The following ADAM18 variants were observed in gnomAD, a reference collection of about 807,000 sequenced individuals.
ADAM18 encodes the protein disintegrin and metalloproteinase domain-containing protein 18.
In ADAM18, 117 loss-of-function variants were observed where a neutral mutation model predicts 94.4. That is an observed-to-expected ratio of 1.24 (90% CI 1.07 to 1.45). The LOEUF (loss-of-function observed/expected upper bound fraction) is 1.45. ADAM18 is among the 40% of genes most tolerant of loss of function. ADAM18 has a pLI of 0.00. For missense variants in ADAM18, 936 were observed against 880.0 expected (o/e 1.06, Z -0.81); for synonymous variants, 327 against 291.6 (o/e 1.12, Z -1.24).
At chr8:39,590,710 A>T (rs1818546577) in intron 2 of ADAM18, among the ~76,000 whole-genome samples, 1 of 152,156 alleles carries the variant, frequency 6.6e-6, no homozygotes. Context: ...TTCTTTTTTA[A>T]ACTAAAATAA....
intron 17 of ADAM18, 27 bp downstream of exon 17, chr8:39,692,707 A>T (rs1305020707): frequency 1.3e-6 from 2 of 1,535,692 alleles, no homozygotes; most frequent in Admixed American, 3.5e-5. Flanking sequence ...TCTGAATTGC[A>T]TGTTATTCTT....
At chr8:39,640,605 CTG>C (rs1228824301) in intron 10 of ADAM18, among the ~76,000 whole-genome samples, 2 of 152,152 alleles carry the variant, frequency 1.3e-5, no homozygotes, top group East Asian at 3.9e-4. Flanking sequence ...AATTGCCACA[CTG>C]TGTTCCACAA....
chr8:39,584,638 G>A lies in ADAM18; in HGVS notation c.16G>A (p.Ala6Thr), dbSNP rs764655233. 8 of 1,613,012 alleles carry A rather than the reference G, an allele frequency of 5.0e-6. No individual in the cohort carries two copies. In the African/African-American group the frequency reaches 8.0e-5, roughly 16 times the overall value. ...TGGCTGAGCCATGTTCCTTCTCCTC[G>A]CCCTCCTCACTGAGCTTGGAAGACT... is the stretch of plus-strand genomic sequence containing the variant. Reference protein sequence around the residue: MFLLLALLTELGRLQA... With the variant: MFLLLTLLTELGRLQA... Residue 6 changes from alanine to threonine, a missense_variant, in exon 1 of 20, where the codon GCC becomes ACC. Coordinates refer to ENST00000265707, the MANE Select transcript of ADAM18 (RefSeq NM_014237.3).
rs151039965 is a variant in ADAM18, at chr8:39,720,929, A to G, written c.2018-2819A>G. The stretch of plus-strand genomic sequence containing the variant: ...CCAAAAGACATGCTGTAGAATATTC[A>G]CAGCAGCACTATTCATAATACCCCA... On this transcript the variant is annotated intron_variant, in intron 18 of 19. Transcript: ENST00000265707. Among the ~76,000 whole-genome samples, 407 of 151,584 alleles carry G rather than the reference A, an allele frequency of 2.7e-3. 1 individual carries two copies. The highest frequency in any genetic ancestry group is 4.9e-3 in the Non-Finnish European group (329 of 67,516).
At chr8:39,607,712 T>C (rs1037499432) in intron 3 of ADAM18, among the ~76,000 whole-genome samples, 8 of 151,782 alleles carry the variant, frequency 5.3e-5, no homozygotes, top group Non-Finnish European at 1.2e-4. Context: ...TTCAGTGCTC[T>C]CTCACTCTCT....
intron 3 of ADAM18, among the ~76,000 whole-genome samples, chr8:39,607,767 A>T (rs1196158490): frequency 2.9e-5 from 4 of 136,742 alleles, no homozygotes; most frequent in African/African-American, 5.4e-5. Flanking sequence ...ATTCTTTCTC[A>T]TCTCTCGAAT....
chr8:39,626,880 G>T (rs537937415), intron 6 of ADAM18, among the ~76,000 whole-genome samples: 1 of 152,132 alleles, frequency 6.6e-6, no homozygotes, highest in Non-Finnish European at 1.5e-5. Flanking sequence ...TAGTTCTTGG[G>T]TAGAATAGTT....
At chr8:39,654,153 C>CTTTTTTTTTT (rs1563292600) in intron 12 of ADAM18, among the ~76,000 whole-genome samples, 4 of 118,768 alleles carry the variant, frequency 3.4e-5, no homozygotes, top group African/African-American at 6.8e-5. Context: ...GGATTTCATT[C>CTTTTTTTTTT]CTTTTTTTTT....
At chr8:39,677,562 C>T (rs1251044442) in intron 15 of ADAM18, 26 bp downstream of exon 15, 1 of 1,503,280 alleles carries the variant, frequency 6.7e-7, no homozygotes, top group Non-Finnish European at 9.0e-7. Context: ...ATGATTGCTT[C>T]TTTGAATCAT....
chr8:39,671,568 T>A (rs1821157788), intron 14 of ADAM18, among the ~76,000 whole-genome samples: 1 of 152,222 alleles, frequency 6.6e-6, no homozygotes, highest in East Asian at 1.9e-4. Flanking sequence ...AGGTTTGGGG[T>A]TCCAATTGGG....
At chr8:39,646,645 C>T (rs536662131) in intron 11 of ADAM18, among the ~76,000 whole-genome samples, 10 of 152,184 alleles carry the variant, frequency 6.6e-5, no homozygotes, top group Admixed American at 2.0e-4. Flanking sequence ...TGAGAACAGA[C>T]ATGGTTGTCA....
At chr8:39,641,535 C>G (rs1245216049) in intron 10 of ADAM18, among the ~76,000 whole-genome samples, 1 of 151,958 alleles carries the variant, frequency 6.6e-6, no homozygotes, top group African/African-American at 2.4e-5. Flanking sequence ...TTCCATGTGT[C>G]TAGGTGTCCA....
intron 6 of ADAM18, among the ~76,000 whole-genome samples, chr8:39,611,886 C>A (rs1819283865): frequency 2.0e-5 from 3 of 151,834 alleles, no homozygotes; most frequent in Admixed American, 1.3e-4. Flanking sequence ...ATGATAACCA[C>A]AAAGCAAACA....
At chr8:39,632,738 C>G (rs1206928600) in intron 7 of ADAM18, among the ~76,000 whole-genome samples, 2 of 152,074 alleles carry the variant, frequency 1.3e-5, no homozygotes, top group Non-Finnish European at 2.9e-5. Context: ...ATGACCCCTT[C>G]CACATATAGT....
chr8:39,652,490 G>T (rs528489526), intron 12 of ADAM18, among the ~76,000 whole-genome samples: 1 of 152,100 alleles, frequency 6.6e-6, no homozygotes, highest in Non-Finnish European at 1.5e-5. Context: ...AAATCAGAAA[G>T]AGATATTACC....
intron 10 of ADAM18, among the ~76,000 whole-genome samples, chr8:39,641,588 A>G (rs981010420): frequency 1.3e-5 from 2 of 151,944 alleles, no homozygotes; most frequent in African/African-American, 4.8e-5. Context: ...CTAGGTGTCC[A>G]TGTGTTCTCA....
At chr8:39,639,023 AC>A (rs1820163392) in intron 10 of ADAM18, among the ~76,000 whole-genome samples, 1 of 151,854 alleles carries the variant, frequency 6.6e-6, no homozygotes, top group South Asian at 2.1e-4. Flanking sequence ...AAAATTTACA[AC>A]CCTTAAATCA....
intron 5 of ADAM18, 146 bp from the exon 6 acceptor site, chr8:39,610,383 C>A (rs1819233573): frequency 3.6e-6 from 4 of 1,104,720 alleles, no homozygotes; most frequent in Admixed American, 3.9e-5. Context: ...AACTGCCCCC[C>A]CAAAAAATAA....
Position 39,610,983 on chromosome 8 carries a change from A to G in ADAM18, c.522+277A>G, listed in dbSNP as rs372606036. On this transcript the variant is annotated intron_variant, in intron 6 of 19. Coordinates refer to ENST00000265707, the MANE Select transcript of ADAM18 (RefSeq NM_014237.3). ...AAGTTTAGAAATGCAGAAAGAACAGAGTCACTGTTATTCTAGTACCTTGGT... is the reference window on the plus strand; with the variant it reads ...AAGTTTAGAAATGCAGAAAGAACAGGGTCACTGTTATTCTAGTACCTTGGT... The G allele has an allele frequency of 1.0e-5, 12 of 1,191,082 alleles. No homozygotes were observed. The East Asian group carries it at 4.2e-4, about 42-fold the overall frequency. 73.8% of individuals were successfully genotyped at this position (1,191,082 alleles called of 1,614,324 possible). A position where few individuals can be genotyped will look rare whatever the true frequency, so the allele number is the denominator to read the frequency against.
Sources: gnomAD v4.1 joint callset for allele counts (sites outside exome capture counted in the v4.1 genomes callset) on GRCh38, gnomAD v4.1.1 for gene constraint, MANE v1.5 for transcripts, NCBI Gene and HGNC (gene_info 2026-07-23, HGNC 2026-07-21) for gene names.